TSPAN4: variants seen among roughly 807,000 people sequenced by gnomAD.
TSPAN4 encodes the protein tetraspanin-4.
In TSPAN4, 38 loss-of-function variants were observed where a neutral mutation model predicts 31.5. The observed-to-expected ratio is 1.21, with a 90% CI of 0.93 to 1.58. TSPAN4 has a LOEUF of 1.58. Ranked by LOEUF, TSPAN4 falls within the 40% of genes most tolerant of loss-of-function variation. The pLI is 0.00. For missense variants in TSPAN4, 330 were observed against 317.3 expected, an observed-to-expected ratio of 1.04 and a Z score of -0.30; for synonymous variants, 186 against 144.6, an observed-to-expected ratio of 1.29 and a Z score of -2.06.
At chr11:863,478 G>A (rs1453848365) in intron 4 of TSPAN4, 4 of 152,318 alleles carry the variant, frequency 2.6e-5, no homozygotes, top group Non-Finnish European at 5.9e-5. Context: ...CCCCTTCCTG[G>A]GGGCAAGCCC....
At chr11:858,389 C>G (rs1848180932) in intron 3 of TSPAN4, 1 of 152,852 alleles carries the variant, frequency 6.5e-6, no homozygotes, top group South Asian at 2.0e-4. Flanking sequence ...CCAGTGCTCC[C>G]AGTGAGGACA....
At chr11:862,849 C>T (rs1039500265) in intron 4 of TSPAN4, 108 bp downstream of exon 4, 9 of 1,217,840 alleles carry the variant, frequency 7.4e-6, no homozygotes, top group Non-Finnish European at 7.8e-6. Flanking sequence ...TGGGCACCAC[C>T]TCTGGGGCCG....
In TSPAN4 at chr11:847,273, C is replaced by T. The variant is rs928227941; in HGVS notation, c.-45C>T. On this transcript the variant is annotated 5_prime_UTR_variant, in exon 2 of 9. Coordinates refer to ENST00000397397, the MANE Select transcript of TSPAN4 (RefSeq NM_003271.5). ...CAGCCTTCAGGGACCCTGAGCACCG[C>T]CTGGTCTCTTTCCTGTGGCCAGCCC... 1 of 152,246 alleles carries T rather than the reference C, an allele frequency of 6.6e-6. No individual in the cohort carries two copies. The highest frequency in any genetic ancestry group is 1.5e-5 in the Non-Finnish European group (1 of 68,060). The allele number at this position is 152,246 out of a possible 1,614,324, so 9.4% of individuals were successfully genotyped here. A position where few individuals can be genotyped will look rare whatever the true frequency, so the allele number is the denominator to read the frequency against.
intron 3 of TSPAN4, among the ~76,000 whole-genome samples, chr11:861,906 G>A (rs539298598): frequency 6.6e-6 from 1 of 152,296 alleles, no homozygotes; most frequent in East Asian, 1.9e-4. Flanking sequence ...CTGAGCAACA[G>A]GGTGAGACTC....
At chr11:866,462 G>A (rs1375395975) in intron 8 of TSPAN4, 100 bp from the exon 9 acceptor site, 10 of 1,115,348 alleles carry the variant, frequency 9.0e-6, no homozygotes, top group East Asian at 7.8e-5. Flanking sequence ...CCCTGGGGTC[G>A]GGGTCAGGGC....
chr11:851,247 C>A (rs777003544), intron 3 of TSPAN4, among the ~76,000 whole-genome samples: 1 of 152,194 alleles, frequency 6.6e-6, no homozygotes, highest in Non-Finnish European at 1.5e-5. Flanking sequence ...CCGAGGATGA[C>A]CTGGACCGGG....
At chr11:855,383 GT>G (rs1327623059) in intron 3 of TSPAN4, among the ~76,000 whole-genome samples, 2 of 152,236 alleles carry the variant, frequency 1.3e-5, no homozygotes, top group African/African-American at 4.8e-5. Context: ...CCTCCTTGCT[GT>G]TCCCACGCAG....
chr11:866,266 C>G (rs1848820705), intron 8 of TSPAN4, among the ~76,000 whole-genome samples: 1 of 152,070 alleles, frequency 6.6e-6, no homozygotes, highest in African/African-American at 2.4e-5. Context: ...GGCCAGTGCA[C>G]AGAGGGTGGC....
At chr11:864,774 A>C (rs990918621) in intron 5 of TSPAN4, 1 of 565,088 alleles carries the variant, frequency 1.8e-6, no homozygotes, top group Non-Finnish European at 3.2e-6. Flanking sequence ...CCGCCCTCTG[A>C]CGCAGCGTCC....
chr11:866,278 G>C (rs1010145812), intron 8 of TSPAN4, among the ~76,000 whole-genome samples: 1 of 152,116 alleles, frequency 6.6e-6, no homozygotes, highest in Admixed American at 6.5e-5. Flanking sequence ...GAGGGTGGCA[G>C]CTGGGGCCCT....
At chr11:853,735 G>A (rs1268944744) in intron 3 of TSPAN4, among the ~76,000 whole-genome samples, 1 of 152,216 alleles carries the variant, frequency 6.6e-6, no homozygotes, top group Non-Finnish European at 1.5e-5. Context: ...CATGCTACCT[G>A]CCTTCAGCAA....
intron 1 of TSPAN4, among the ~76,000 whole-genome samples, chr11:845,482 T>C (rs962611717): frequency 6.6e-6 from 1 of 152,160 alleles, no homozygotes; most frequent in Non-Finnish European, 1.5e-5. Flanking sequence ...ACCACTCATA[T>C]GTCGGGGCTG....
At chr11:859,482 CGGG>C (rs1220265423) in intron 3 of TSPAN4, 1 of 100,538 alleles carries the variant, frequency 9.9e-6, no homozygotes, top group African/African-American at 3.9e-5. Flanking sequence ...ACACGCACCC[CGGG>C]CTCACACGCA....
intron 3 of TSPAN4, among the ~76,000 whole-genome samples, chr11:853,911 G>C (rs1244034277): frequency 6.6e-6 from 1 of 152,212 alleles, no homozygotes; most frequent in Non-Finnish European, 1.5e-5. Context: ...CAGGGCCCGT[G>C]AGCCTGAGCG....
intron 3 of TSPAN4, among the ~76,000 whole-genome samples, chr11:852,745 C>T (rs762463267): frequency 6.6e-6 from 1 of 152,240 alleles, no homozygotes; most frequent in Non-Finnish European, 1.5e-5. Context: ...GCTTTTGCCG[C>T]CCACTCCATT....
chr11:862,355 C>G (rs1589790742), intron 3 of TSPAN4, 195 bp from the exon 4 acceptor site: 2 of 567,778 alleles, frequency 3.5e-6, no homozygotes, highest in East Asian at 6.2e-5. Context: ...GGGTGCCAGC[C>G]CAGGGTGTCG....
At chr11:853,550 G>A (rs565644631) in intron 3 of TSPAN4, among the ~76,000 whole-genome samples, 60 of 152,224 alleles carry the variant, frequency 3.9e-4, no homozygotes, top group African/African-American at 1.3e-3. Flanking sequence ...GGAGGGTGGG[G>A]CTGCTGGCAA....
chr11:865,858 G>T (rs962953979), intron 7 of TSPAN4, 33 bp downstream of exon 7: 1 of 1,612,364 alleles, frequency 6.2e-7, no homozygotes, highest in Non-Finnish European at 8.5e-7. Context: ...GGGCTGGTAG[G>T]GGCCTAGAGG....
chr11:861,658 G>A (rs1848464516), intron 3 of TSPAN4, among the ~76,000 whole-genome samples: 1 of 152,122 alleles, frequency 6.6e-6, no homozygotes, highest in Non-Finnish European at 1.5e-5. Flanking sequence ...GTTGCAGTGA[G>A]CCGAGATCGC....
Sources: gnomAD v4.1 joint callset for allele counts (sites outside exome capture counted in the v4.1 genomes callset) on GRCh38, gnomAD v4.1.1 for gene constraint, MANE v1.5 for transcripts, NCBI Gene and HGNC (gene_info 2026-07-23, HGNC 2026-07-21) for gene names.